GMPS: variants seen among roughly 807,000 people sequenced by gnomAD.
The protein encoded by GMPS is guanosine monophosphate synthase.
GMPS carries 15 observed loss-of-function variants against 77.9 expected under a neutral mutation model. The ratio of observed to expected loss-of-function variants is 0.19; its 90% CI spans 0.13 to 0.30. GMPS has a LOEUF of 0.30. Among genes scored for constraint, GMPS ranks in the 10% least tolerant of loss-of-function variants. The pLI is 1.00. For missense variants in GMPS, 590 were observed against 838.8 expected (o/e 0.70, Z 3.66); for synonymous variants, 224 against 275.9 (o/e 0.81, Z 1.86).
intron 11 of GMPS, 78 bp downstream of exon 11, chr3:155,922,380 T>G (rs1339284417): frequency 8.6e-6 from 5 of 583,456 alleles, no homozygotes; most frequent in Non-Finnish European, 1.2e-5. Context: ...ATGAATTTTT[T>G]AGGGTTTTAT....
chr3:155,934,574 T>G (rs1205262565), intron 13 of GMPS, among the ~76,000 whole-genome samples: 1 of 152,168 alleles, frequency 6.6e-6, no homozygotes, highest in East Asian at 1.9e-4. Flanking sequence ...ACCCTTTTTC[T>G]CCCCAGAGAT....
rs1051193946 is a variant in GMPS at position 155,927,003 on chromosome 3, A to T, written c.1560+1637A>T. ...CACTCCAGCCTGGGCAACAAGAGTGAAACTCCTTCTTAAAAAAAAAAAAAA... is the reference window on the plus strand; with the variant it reads ...CACTCCAGCCTGGGCAACAAGAGTGTAACTCCTTCTTAAAAAAAAAAAAAA... On this transcript the variant is annotated intron_variant, in intron 12 of 15. Transcript: ENST00000496455. 2.0e-5 allele frequency among the ~76,000 whole-genome samples: 3 copies of T among 150,894 alleles called. No homozygotes were observed. The South Asian group carries it at 6.5e-4, about 33-fold the overall frequency.
upstream of GMPS, among the ~76,000 whole-genome samples, chr3:155,869,610 C>G (rs1464960052): frequency 1.3e-5 from 2 of 152,220 alleles, no homozygotes; most frequent in Non-Finnish European, 2.9e-5. Flanking sequence ...TCTATATATA[C>G]TGAGAGGCAC....
chr3:155,934,492 G>C (rs943396393), intron 13 of GMPS, among the ~76,000 whole-genome samples: 1 of 152,142 alleles, frequency 6.6e-6, no homozygotes. Context: ...CACTTGGAAG[G>C]ATACCAGTCA....
intron 1 of GMPS, among the ~76,000 whole-genome samples, chr3:155,871,974 CGTGCA>C (rs1753916928): frequency 2.0e-5 from 3 of 152,170 alleles, no homozygotes; most frequent in African/African-American, 7.2e-5. Flanking sequence ...AGCGGGAAAC[CGTGCA>C]GTTTTGAATT....
At chr3:155,908,801 G>T (rs1269093072) in intron 5 of GMPS, among the ~76,000 whole-genome samples, 1 of 152,214 alleles carries the variant, frequency 6.6e-6, no homozygotes, top group Non-Finnish European at 1.5e-5. Context: ...AAACAAAGGT[G>T]CTGAGTAGGC....
At position 155,886,801 on chromosome 3, in the gene GMPS, C is replaced by T. The variant is rs535782028; in HGVS notation, c.28-6717C>T. Among the ~76,000 whole-genome samples the T allele has an allele frequency of 7.2e-5, 11 of 151,870 alleles. No homozygotes were observed. The South Asian group carries it at 1.7e-3, about 23-fold the overall frequency. On this transcript the variant is annotated intron_variant, in intron 1 of 15. Coordinates refer to ENST00000496455, the MANE Select transcript of GMPS (RefSeq NM_003875.3). ...GATTACAGGCGTGAGCCACCGTGCC[C>T]GGCCTCCTGATGACTTAGCTGGGCT...
At chr3:155,875,079 C>T (rs932801398) in intron 1 of GMPS, among the ~76,000 whole-genome samples, 23 of 151,420 alleles carry the variant, frequency 1.5e-4, no homozygotes, top group African/African-American at 4.6e-4. Context: ...CCACCACATA[C>T]GGCTAATTTT....
chr3:155,917,482 G>C (rs1027743382), intron 9 of GMPS, among the ~76,000 whole-genome samples: 1 of 152,072 alleles, frequency 6.6e-6, no homozygotes, highest in African/African-American at 2.4e-5. Context: ...CATATAGGTG[G>C]AATCATACAG....
chr3:155,882,631 A>G (rs374652216), intron 1 of GMPS, among the ~76,000 whole-genome samples: 21 of 152,370 alleles, frequency 1.4e-4, no homozygotes, highest in African/African-American at 4.6e-4. Context: ...TTCTAGACAA[A>G]TGAAAATTTA....
chr3:155,930,422 G>C, intron 12 of GMPS, among the ~76,000 whole-genome samples: 1 of 144,764 alleles, frequency 6.9e-6, no homozygotes. Context: ...AGAAAACCTA[G>C]GCATTACCAT....
At chr3:155,879,488 A>G (rs1036357697) in intron 1 of GMPS, among the ~76,000 whole-genome samples, 1 of 151,900 alleles carries the variant, frequency 6.6e-6, no homozygotes, top group African/African-American at 2.4e-5. Context: ...GCTGGCCTCG[A>G]ACTCCTGATC....
Position 155,940,005 on chromosome 3 carries a change from T to A in GMPS, c.*2313T>A. The A allele has an allele frequency of 4.9e-6, 1 of 205,572 alleles. No homozygotes were observed. Among genetic ancestry groups the A allele is most frequent in the East Asian group, 7.5e-5 (1 of 13,406 alleles). 12.7% of individuals were successfully genotyped at this position (205,572 alleles called of 1,614,324 possible). A position where few individuals can be genotyped will look rare whatever the true frequency, so the allele number is the denominator to read the frequency against. ...TTGTCCTGATGTGTATTCTGACACC[T>A]AAAATTATATAAACATTTATGGGAT... is the stretch of plus-strand genomic sequence containing the variant. On this transcript the variant is annotated 3_prime_UTR_variant, in exon 16 of 16. Coordinates refer to ENST00000496455, the MANE Select transcript of GMPS (RefSeq NM_003875.3).
chr3:155,926,567 A>G (rs1755459881), intron 12 of GMPS, among the ~76,000 whole-genome samples: 1 of 151,936 alleles, frequency 6.6e-6, no homozygotes, highest in Non-Finnish European at 1.5e-5. Context: ...CCTAAAACTT[A>G]AAGTATAATA....
chr3:155,912,184 G>A lies in GMPS; in HGVS notation c.886+905G>A, dbSNP rs532086599. 2.0e-5 allele frequency among the ~76,000 whole-genome samples: 3 copies of A among 152,324 alleles called. No homozygotes were observed. The South Asian group carries it at 6.2e-4, about 32-fold the overall frequency. ...AAAAGGCTGAATAAAATGAAGACTT[G>A]TAGGTAAGTATGATGTGAACATGAG... On this transcript the variant is annotated intron_variant, in intron 7 of 15. Transcript: ENST00000496455.
chr3:155,891,994 G>A (rs1352093240), intron 1 of GMPS, among the ~76,000 whole-genome samples: 1 of 152,034 alleles, frequency 6.6e-6, no homozygotes, highest in Non-Finnish European at 1.5e-5. Flanking sequence ...AGGGAGGAAT[G>A]GTGGAAAAGA....
At chr3:155,884,563 G>T (rs939174516) in intron 1 of GMPS, among the ~76,000 whole-genome samples, 1 of 152,226 alleles carries the variant, frequency 6.6e-6, no homozygotes, top group African/African-American at 2.4e-5. Context: ...ATTGAAACTC[G>T]AGGGGAAAAT....
intron 1 of GMPS, among the ~76,000 whole-genome samples, chr3:155,889,830 G>A (rs1348177849): frequency 6.6e-6 from 1 of 152,032 alleles, no homozygotes; most frequent in Non-Finnish European, 1.5e-5. Flanking sequence ...TTATTATGAT[G>A]CACTCAGGGC....
intron 1 of GMPS, among the ~76,000 whole-genome samples, chr3:155,874,465 C>A (rs936688886): frequency 6.6e-6 from 1 of 152,164 alleles, no homozygotes; most frequent in Non-Finnish European, 1.5e-5. Context: ...GGATTTTTAT[C>A]TGGGATGTAC....
Sources: gnomAD v4.1 joint callset for allele counts (sites outside exome capture counted in the v4.1 genomes callset) on GRCh38, gnomAD v4.1.1 for gene constraint, MANE v1.5 for transcripts, NCBI Gene and HGNC (gene_info 2026-07-23, HGNC 2026-07-21) for gene names.